DET1: variants seen among roughly 807,000 people sequenced by gnomAD.
The protein encoded by DET1 is DET1 homolog.
Under a neutral mutation model 43.7 loss-of-function variants are expected in DET1, and 22 were observed. That is an observed-to-expected ratio of 0.50 (90% confidence interval 0.36 to 0.72). The LOEUF (loss-of-function observed/expected upper bound fraction) is 0.72. Among genes scored for constraint, DET1 ranks in the 30% least tolerant of loss-of-function variants. The pLI is 0.00. For synonymous variants in DET1, 315 were observed against 266.2 expected (o/e 1.18, Z -1.79); for missense variants, 713 against 713.3 (o/e 1.00, Z 0.00).
intron 3 of DET1, among the ~76,000 whole-genome samples, chr15:88,523,048 A>AT (rs1320441259): frequency 9.3e-5 from 14 of 150,622 alleles, no homozygotes; most frequent in East Asian, 2.0e-4. Context: ...ACACCCAGCT[A>AT]ATTTTTTTGT....
chr15:88,536,027 G>A (rs1479286730), intron 1 of DET1, among the ~76,000 whole-genome samples: 1 of 152,134 alleles, frequency 6.6e-6, no homozygotes, highest in Non-Finnish European at 1.5e-5. Context: ...AAGATATACA[G>A]TAAAAACCTC....
At chr15:88,509,769 G>A (rs537637255), downstream of DET1, among the ~76,000 whole-genome samples, 8 of 152,212 alleles carry the variant, frequency 5.3e-5, no homozygotes, top group Admixed American at 1.3e-4. Flanking sequence ...CATTTCCCAA[G>A]CTCCCTTGCT....
Position 88,513,225 on chromosome 15 carries a change from G to T in DET1, c.1464-85C>A, listed in dbSNP as rs951912733. The T allele has an allele frequency of 2.2e-5, 30 of 1,359,726 alleles. No homozygotes were observed. In the African/African-American group the frequency reaches 4.4e-4, roughly 20 times the overall value. 84.2% of individuals were successfully genotyped at this position (1,359,726 alleles called of 1,614,324 possible). ...ACTGAAATCTAGACAGCAGGGGAAT[G>T]TGGCAACTCATTATTTTACCTTATT... is the stretch of plus-strand genomic sequence containing the variant. On this transcript the variant is annotated intron_variant, in intron 4 of 4. Transcript: ENST00000268148.
At position 88,533,846 on chromosome 15, in the gene DET1, A is replaced by T. The variant is rs1567070349; in HGVS notation, c.-10-2131T>A. Reference sequence around the variant, plus strand: ...TAGCTTGGGCAACAGAGCAAGACCCAATCTCTAAAAAAAAAAAAAAAAAAA... The same window carrying T: ...TAGCTTGGGCAACAGAGCAAGACCCTATCTCTAAAAAAAAAAAAAAAAAAA... On this transcript the variant is annotated intron_variant, in intron 1 of 4. Transcript: ENST00000268148. 3.5e-5 allele frequency among the ~76,000 whole-genome samples: 4 copies of T among 112,788 alleles called. No homozygotes were observed. The South Asian group carries it at 1.3e-3, about 37-fold the overall frequency. The allele number at this position is 112,788 out of a possible 152,430, so 74.0% of individuals were successfully genotyped here.
intron 1 of DET1, among the ~76,000 whole-genome samples, chr15:88,545,308 GT>G (rs2057222131): frequency 6.6e-6 from 1 of 152,058 alleles, no homozygotes; most frequent in Non-Finnish European, 1.5e-5. Context: ...AAAAATCCTG[GT>G]CTCATGGAGC....
rs3217481 is a variant in DET1, at chr15:88,527,893, AAACAAC to A, written c.1084-113_1084-108del. 3.8e-3 allele frequency: 1,727 copies of A among 460,498 alleles called. 24 individuals are homozygous for A. Among genetic ancestry groups the A allele is most frequent in the South Asian group, 0.025 (339 of 13,412 alleles). 28.5% of individuals were successfully genotyped at this position (460,498 alleles called of 1,614,324 possible). A position where few individuals can be genotyped will look rare whatever the true frequency, so the allele number is the denominator to read the frequency against. On this transcript the variant is annotated intron_variant, in intron 2 of 4. Coordinates refer to ENST00000268148, the MANE Select transcript of DET1 (RefSeq NM_001144074.3). The stretch of plus-strand genomic sequence containing the variant: ...AAAATTCAAGGCATGAATTTTCCAA[AAACAAC>A]AACAACAACAACAACAACAACAAGC...
chr15:88,529,252 G>A (rs552958745), intron 2 of DET1, among the ~76,000 whole-genome samples: 1 of 152,266 alleles, frequency 6.6e-6, no homozygotes, highest in East Asian at 1.9e-4. Flanking sequence ...CTATGGCCCT[G>A]GACAACACTT....
At chr15:88,503,929 G>A (rs2056112370) in exon 8 of DET1, 2 of 151,926 alleles carry the variant, frequency 1.3e-5, no homozygotes, top group African/African-American at 4.8e-5. Context: ...GAGCCCAGGA[G>A]GTCTACAGTG....
chr15:88,506,258 A>G (rs566534778), intron 7 of DET1, among the ~76,000 whole-genome samples: 41 of 152,296 alleles, frequency 2.7e-4, no homozygotes, highest in African/African-American at 9.1e-4. Flanking sequence ...TCTTATCATC[A>G]TGCCCAGGGG....
At chr15:88,536,432 G>A (rs878882034) in intron 1 of DET1, 1 of 690,396 alleles carries the variant, frequency 1.4e-6, no homozygotes, top group South Asian at 1.6e-5. Context: ...ATAATTAATG[G>A]AGCAACAATT....
At chr15:88,512,021 G>T (rs1441214804), downstream of DET1, among the ~76,000 whole-genome samples, 1 of 152,222 alleles carries the variant, frequency 6.6e-6, no homozygotes, top group Non-Finnish European at 1.5e-5. Flanking sequence ...TGTGACAGAG[G>T]ATGTGGCTGG....
In DET1 at chr15:88,516,802, A is replaced by G. The variant is rs775841616; in HGVS notation, c.1443T>C (p.Thr481=). 5.7e-6 allele frequency: 9 copies of G among 1,590,252 alleles called. No homozygotes were observed. In the South Asian group the frequency reaches 1.0e-4, roughly 18 times the overall value. The change falls in exon 4 of 5, where the codon ACT becomes ACC. Residue 481 remains threonine (T), a synonymous_variant. Transcript: ENST00000268148. The surrounding 1 kb of genome is among the most constrained non-coding windows in gnomAD (Gnocchi z 4.4). ...TGTACCTGATTGGGTGATCTCCACA[A>G]GTCTTGGGCCGCTCCATGACAGATA... The part of the protein sequence containing the change: ...KWVSVMERPK[T]CGDHPIRFYA...
chr15:88,526,713 C>T (rs539830396), intron 3 of DET1, among the ~76,000 whole-genome samples: 5 of 152,270 alleles, frequency 3.3e-5, no homozygotes, highest in African/African-American at 1.2e-4. Context: ...ATGTCTCATC[C>T]CTACTTTTAG....
chr15:88,505,795 T>G (rs911531296), intron 7 of DET1: 3 of 152,224 alleles, frequency 2.0e-5, no homozygotes, highest in African/African-American at 7.2e-5. Flanking sequence ...GTAAGTAAGC[T>G]TTTAATAAAT....
At chr15:88,505,484 C>A (rs1487298490) in intron 7 of DET1, 4 of 152,178 alleles carry the variant, frequency 2.6e-5, no homozygotes, top group African/African-American at 7.2e-5. Flanking sequence ...ATAAAACCAC[C>A]TTTTATTATA....
chr15:88,542,161 ACT>A (rs1567076324), intron 1 of DET1, among the ~76,000 whole-genome samples: 1 of 151,994 alleles, frequency 6.6e-6, no homozygotes, highest in East Asian at 1.9e-4. Context: ...GCTCCTTTTA[ACT>A]CTCTTTACCT....
intron 3 of DET1, among the ~76,000 whole-genome samples, chr15:88,518,114 T>TA (rs2056395943): frequency 6.6e-6 from 1 of 150,764 alleles, no homozygotes; most frequent in Non-Finnish European, 1.5e-5. Flanking sequence ...AATTTTTTTT[T>TA]TTTTTTTTGT....
At chr15:88,543,327 C>T (rs1475379054) in intron 1 of DET1, among the ~76,000 whole-genome samples, 1 of 152,204 alleles carries the variant, frequency 6.6e-6, no homozygotes, top group East Asian at 1.9e-4. Context: ...CAGGATTTAA[C>T]CCTTACAGCT....
At chr15:88,530,310 A>G (rs767007214) in intron 2 of DET1, among the ~76,000 whole-genome samples, 19 of 152,208 alleles carry the variant, frequency 1.2e-4, no homozygotes, top group Middle Eastern at 3.2e-3. Context: ...GGTTATCCAT[A>G]AGTAGTCCAA....
Sources: allele counts gnomAD v4.1 joint callset (sites outside exome capture counted in the v4.1 genomes callset), GRCh38; gene constraint gnomAD v4.1.1; non-coding constraint Gnocchi (gnomAD v3.1); transcripts MANE v1.5; gene names NCBI Gene and HGNC (gene_info 2026-07-23, HGNC 2026-07-21).